ZMAT4: variants seen among roughly 807,000 people sequenced by gnomAD.
ZMAT4 encodes the protein zinc finger matrin-type 4.
A neutral mutation model predicts 28.7 loss-of-function variants in ZMAT4; 17 were observed. The ratio of observed to expected loss-of-function variants is 0.59; its 90% CI spans 0.41 to 0.89. The LOEUF (loss-of-function observed/expected upper bound fraction) is 0.89, where lower values mean the gene tolerates loss of function less well. ZMAT4 is among the 40% of genes least tolerant of loss of function. ZMAT4 has a pLI of 0.00. For synonymous variants in ZMAT4, 117 were observed against 109.2 expected (o/e 1.07, Z -0.44); for missense variants, 240 against 283.8 (o/e 0.85, Z 1.11).
At chr8:40,576,635 C>T (rs1373131224) in intron 6 of ZMAT4, among the ~76,000 whole-genome samples, 1 of 151,482 alleles carries the variant, frequency 6.6e-6, no homozygotes, top group Non-Finnish European at 1.5e-5. Context: ...TAATCATCAC[C>T]AGACCAGCCT....
intron 1 of ZMAT4, among the ~76,000 whole-genome samples, chr8:40,873,346 C>T (rs1475915717): frequency 6.6e-6 from 1 of 152,176 alleles, no homozygotes; most frequent in Non-Finnish European, 1.5e-5. Flanking sequence ...ATACAAAATG[C>T]AAATGAGTCA....
At position 40,671,242 on chromosome 8, in the gene ZMAT4, C is replaced by T. The variant is rs539189417; in HGVS notation, c.577+3462G>A. The stretch of plus-strand genomic sequence containing the variant: ...GTTGGCTTTTTGAAGTGCAAAGTAA[C>T]GCAACTATTTTAGATTTTGGCAGTT... On this transcript the variant is annotated intron_variant, in intron 5 of 6. Coordinates refer to ENST00000297737, the MANE Select transcript of ZMAT4 (RefSeq NM_024645.3). 5.1e-4 allele frequency among the ~76,000 whole-genome samples: 77 copies of T among 152,184 alleles called. 2 individuals carry two copies. The South Asian group carries it at 0.014, about 28-fold the overall frequency.
intron 1 of ZMAT4, among the ~76,000 whole-genome samples, chr8:40,892,964 T>A (rs139800144): frequency 1.3e-5 from 2 of 152,336 alleles, no homozygotes; most frequent in African/African-American, 2.4e-5. Flanking sequence ...TTCCTAAAGA[T>A]CATCACAGAG....
intron 5 of ZMAT4, among the ~76,000 whole-genome samples, chr8:40,653,235 A>G (rs1308495545): frequency 6.6e-6 from 1 of 152,136 alleles, no homozygotes; most frequent in Admixed American, 6.6e-5. Flanking sequence ...ATCCAAACTT[A>G]CAGGATGCAG....
intron 3 of ZMAT4, among the ~76,000 whole-genome samples, chr8:40,723,359 A>G (rs1244402440): frequency 1.3e-5 from 2 of 152,084 alleles, no homozygotes; most frequent in South Asian, 2.1e-4. Context: ...CCTGGCCTAC[A>G]TGGTGAAACC....
intron 2 of ZMAT4, among the ~76,000 whole-genome samples, chr8:40,795,738 T>G (rs1814568878): frequency 6.6e-6 from 1 of 152,208 alleles, no homozygotes; most frequent in Non-Finnish European, 1.5e-5. Flanking sequence ...CTCCATACTT[T>G]ATAATCAACA....
chr8:40,881,440 A>AAAGAAAGAAAG (rs1563263307), intron 1 of ZMAT4, among the ~76,000 whole-genome samples: 5 of 81,610 alleles, frequency 6.1e-5, no homozygotes, highest in African/African-American at 2.6e-4. Flanking sequence ...AGAGAGAAAG[A>AAAGAAAGAAAG]AAGAAAGAAA....
At chr8:40,602,274 A>G (rs758913737) in intron 5 of ZMAT4, among the ~76,000 whole-genome samples, 6 of 152,180 alleles carry the variant, frequency 3.9e-5, no homozygotes, top group Non-Finnish European at 7.3e-5. Context: ...ATTGATAGGC[A>G]CTTGGGCTGG....
chr8:40,579,267 G>A (rs566749790), intron 6 of ZMAT4, among the ~76,000 whole-genome samples: 1 of 152,216 alleles, frequency 6.6e-6, no homozygotes, highest in Admixed American at 6.5e-5. Context: ...TATGTATTGA[G>A]TGATGAATAC....
At chr8:40,582,006 C>T (rs759179581) in intron 5 of ZMAT4, among the ~76,000 whole-genome samples, 2 of 152,112 alleles carry the variant, frequency 1.3e-5, no homozygotes, top group Admixed American at 1.3e-4. Context: ...AGAGCTGAGA[C>T]CCATAATGAA....
chr8:40,700,603 T>G (rs1239511610), intron 3 of ZMAT4, among the ~76,000 whole-genome samples: 2 of 151,956 alleles, frequency 1.3e-5, no homozygotes, highest in Admixed American at 6.6e-5. Flanking sequence ...TTATTGTTTG[T>G]AGAGAGAGAA....
chr8:40,715,396 A>G (rs1244113534), intron 3 of ZMAT4, among the ~76,000 whole-genome samples: 2 of 152,234 alleles, frequency 1.3e-5, no homozygotes, highest in African/African-American at 2.4e-5. Context: ...TGATCTACAT[A>G]GTACCCAGAA....
rs527988874 is a variant in ZMAT4 at position 40,810,916 on chromosome 8, A to G, written c.102+14659T>C. Among the ~76,000 whole-genome samples the G allele has an allele frequency of 4.5e-4, 68 of 152,314 alleles. 1 individual carries two copies. In the South Asian group the frequency reaches 0.013, roughly 30 times the overall value. ...ATGAAATCATTTAAAAAGTATGTTT[A>G]AAAGTTGTTCAAGCTTTATAATAAT... is the stretch of plus-strand genomic sequence containing the variant. On this transcript the variant is annotated intron_variant, in intron 2 of 6. Coordinates refer to ENST00000297737, the MANE Select transcript of ZMAT4 (RefSeq NM_024645.3).
chr8:40,690,911 C>T, intron 4 of ZMAT4: 1 of 985,154 alleles, frequency 1.0e-6, no homozygotes, highest in Non-Finnish European at 1.2e-6. Context: ...GAGATCATTG[C>T]TTATCCGTTG....
chr8:40,714,911 T>A (rs1164726605), intron 3 of ZMAT4, among the ~76,000 whole-genome samples: 2 of 151,808 alleles, frequency 1.3e-5, no homozygotes, highest in African/African-American at 2.4e-5. Flanking sequence ...TAGCCAGGCG[T>A]GGTGGCACGC....
chr8:40,869,327 G>A (rs1336550567), intron 1 of ZMAT4, among the ~76,000 whole-genome samples: 1 of 152,160 alleles, frequency 6.6e-6, no homozygotes, highest in East Asian at 1.9e-4. Context: ...CAATTGGCTG[G>A]TGTCTATTTC....
At chr8:40,823,814 T>C (rs1316390570) in intron 2 of ZMAT4, among the ~76,000 whole-genome samples, 1 of 152,220 alleles carries the variant, frequency 6.6e-6, no homozygotes, top group Non-Finnish European at 1.5e-5. Flanking sequence ...CTCAAATTGA[T>C]TTCTAACACT....
At chr8:40,769,292 A>G (rs1450319347) in intron 2 of ZMAT4, among the ~76,000 whole-genome samples, 2 of 152,196 alleles carry the variant, frequency 1.3e-5, no homozygotes, top group East Asian at 3.8e-4. Flanking sequence ...TTTGTCTAGA[A>G]GATTTTTTAA....
intron 1 of ZMAT4, among the ~76,000 whole-genome samples, chr8:40,842,328 C>T (rs563527027): frequency 9.2e-5 from 14 of 152,356 alleles, no homozygotes; most frequent in African/African-American, 3.4e-4. Context: ...TTCCGGACTC[C>T]AAATCCGGGG....
Sources: allele counts gnomAD v4.1 joint callset (sites outside exome capture counted in the v4.1 genomes callset), GRCh38; gene constraint gnomAD v4.1.1; transcripts MANE v1.5; gene names NCBI Gene and HGNC (gene_info 2026-07-23, HGNC 2026-07-21).